Variants in KLK12 observed in about 807,000 individuals in gnomAD.
KLK12 encodes the protein kallikrein related peptidase 12.
A neutral mutation model predicts 20.0 loss-of-function variants in KLK12; 23 were observed. The ratio of observed to expected loss-of-function variants is 1.15; its 90% CI spans 0.83 to 1.63. The LOEUF is 1.63. KLK12 is among the 40% of genes most tolerant of loss of function. The probability of loss-of-function intolerance (pLI) is 0.00; values close to 1 mark genes in which losing one functional copy is unlikely to be tolerated. For missense variants in KLK12, 351 were observed against 338.6 expected (o/e 1.04, Z -0.29); for synonymous variants, 147 against 141.9 (o/e 1.04, Z -0.25).
chr19:51,032,132 C>T lies in KLK12; in HGVS notation c.201G>A (p.Arg67=), dbSNP rs145698733. 452 of 1,599,686 alleles carry T rather than the reference C, an allele frequency of 2.8e-4. 1 individual carries two copies. Among genetic ancestry groups the T allele is most frequent in the Non-Finnish European group, 3.7e-4 (440 of 1,177,182 alleles). ...TGTGTTCCCCCAGGCGCACCCAGTA[C>T]CTGCTGCCGGTGGCGACGGCTGAGC... is the stretch of plus-strand genomic sequence containing the variant. ...VLTAAHCSGS[R]YWVRLGEHSL... Residue 67 remains arginine, a synonymous_variant, in exon 4 of 6, where the codon AGG becomes AGA. Transcript: ENST00000684732.
At position 51,029,363 on chromosome 19, in the gene KLK12, CCAGGGATGCCATCTTGTCCA is replaced by C. The variant is rs2091526639; in HGVS notation, c.666_685del (p.Cys222TrpfsTer51). 1 of 1,613,258 alleles carries C rather than the reference CCAGGGATGCCATCTTGTCCA, an allele frequency of 6.2e-7. No individual in the cohort carries two copies. Among genetic ancestry groups the C allele is most frequent in the South Asian group, 1.1e-5 (1 of 91,030 alleles). On this transcript the variant is annotated frameshift_variant, in exon 6 of 6. Coordinates refer to ENST00000684732, the MANE Select transcript of KLK12 (RefSeq NM_001370125.1). LOFTEE classifies it high-confidence loss of function. ...ATACTTGCAAATATAGGTGTAGACT[CCAGGGATGCCATCTTGTCCA>C]CAGGGCCCCACAGACCCCCAGGACA...
At position 51,031,886 on chromosome 19, in the gene KLK12, G is replaced by A; in HGVS notation, c.447C>T (p.Asn149=). The A allele has an allele frequency of 3.7e-6, 6 of 1,613,666 alleles. No individual in the cohort carries two copies. Among genetic ancestry groups the A allele is most frequent in the Non-Finnish European group, 5.1e-6 (6 of 1,179,914 alleles). The change falls in exon 4 of 6, where the codon AAC becomes AAT. Residue 149 remains asparagine (N), a synonymous_variant. Transcript: ENST00000684732. ...ECHVSGWGIT[N]HPRNPFPDLL... Reference sequence around the variant, plus strand: ...CCCTGGGCCCCTTACTCCGTGGGTGGTTGGTGATGCCCCAGCCTGAGACGT... The same window carrying A: ...CCCTGGGCCCCTTACTCCGTGGGTGATTGGTGATGCCCCAGCCTGAGACGT...
chr19:51,034,157 C>T lies in KLK12; in HGVS notation c.38-18G>A. 6.4e-7 allele frequency: 1 copy of T among 1,551,224 alleles called. No individual in the cohort carries two copies. The highest frequency in any genetic ancestry group is 8.7e-7 in the Non-Finnish European group (1 of 1,146,844). On this transcript the variant is annotated intron_variant, in intron 2 of 5. Transcript: ENST00000684732. ...GCTGAGCCCTGGAGACAGACAGGGG[C>T]ATGGGTCAGAGAGAGGAAGAAAAGA... is the stretch of plus-strand genomic sequence containing the variant.
chr19:51,033,768 A>G (rs1386129894), intron 3 of KLK12: 3 of 617,814 alleles, frequency 4.9e-6, no homozygotes, highest in Non-Finnish European at 8.8e-6. Flanking sequence ...GGCAGGTTCC[A>G]GGACCCTCCC....
Position 51,030,985 on chromosome 19 carries a change from C to T in KLK12, c.458-64G>A, listed in dbSNP as rs2091552375. 5.0e-6 allele frequency: 8 copies of T among 1,600,556 alleles called. No homozygotes were observed. The East Asian group carries it at 1.6e-4, about 31-fold the overall frequency. Reference sequence around the variant, plus strand: ...CTCCCCACTTTGAGGCCACGTCCCTCTTCCCTGGATGTGGCCCATCCATGT... The same window carrying T: ...CTCCCCACTTTGAGGCCACGTCCCTTTTCCCTGGATGTGGCCCATCCATGT... On this transcript the variant is annotated intron_variant, in intron 4 of 5. Coordinates refer to ENST00000684732, the MANE Select transcript of KLK12 (RefSeq NM_001370125.1).
At position 51,032,147 on chromosome 19, in the gene KLK12, G is replaced by C. The variant is rs770097930; in HGVS notation, c.198-12C>G. On this transcript the variant is annotated splice_polypyrimidine_tract_variant and intron_variant, in intron 3 of 5. Transcript: ENST00000684732. ...GCACCCAGTACCTGCTGCCGGTGGC[G>C]ACGGCTGAGCGGGTGGCAGGCACGC... is the stretch of plus-strand genomic sequence containing the variant. The C allele has an allele frequency of 6.3e-7, 1 of 1,591,730 alleles. No homozygotes were observed. The highest frequency in any genetic ancestry group is 8.5e-7 in the Non-Finnish European group (1 of 1,174,642).
intron 3 of KLK12, among the ~76,000 whole-genome samples, chr19:51,032,923 A>C (rs1050009699): frequency 6.6e-6 from 1 of 152,068 alleles, no homozygotes; most frequent in African/African-American, 2.4e-5. Flanking sequence ...TTTCACAAAA[A>C]AAGTTCCAGG....
At chr19:51,031,169 C>T (rs190732475) in intron 4 of KLK12, among the ~76,000 whole-genome samples, 32 of 152,322 alleles carry the variant, frequency 2.1e-4, no homozygotes, top group Non-Finnish European at 3.7e-4. Flanking sequence ...ACTTTCTTGT[C>T]TCTCCAGCGT....
In KLK12 at chr19:51,029,425, T is replaced by C; in HGVS notation, c.624A>G (p.Gly208=). The C allele has an allele frequency of 6.2e-7, 1 of 1,613,340 alleles. No homozygotes were observed. ...CCCAGGACACCAGACCTTGAAGGAC[T>C]CCCCCACACACCAGGGGGCCCCCAG... ...GDSGGPLVCG[G]VLQGLVSWGS... is the part of the protein sequence containing the mutation. The change falls in exon 6 of 6, where the codon GGA becomes GGG. Residue 208 remains glycine, a synonymous_variant. Transcript: ENST00000684732.
In KLK12 at chr19:51,030,888, A is replaced by T; in HGVS notation, c.491T>A (p.Leu164His). The change falls in exon 5 of 6, where the codon CTC becomes CAC. Residue 164 changes from leucine to histidine, a missense_variant. Leu to His is a moderately conservative substitution (Grantham distance 99). Coordinates refer to ENST00000684732, the MANE Select transcript of KLK12 (RefSeq NM_001370125.1). ...PFPDLLQCLN[L>H]SIVSHATCHG... ...GCAGGTGGCATGGGAGACGATGGAG[A>T]GGTTGAGGCACTGGAGCAGATCCGG... 6.2e-7 allele frequency: 1 copy of T among 1,613,854 alleles called. No individual in the cohort carries two copies. Among genetic ancestry groups the T allele is most frequent in the Non-Finnish European group, 8.5e-7 (1 of 1,180,000 alleles).
intron 3 of KLK12, among the ~76,000 whole-genome samples, chr19:51,032,613 C>T (rs2122615405): frequency 6.6e-6 from 1 of 152,042 alleles, no homozygotes; most frequent in African/African-American, 2.4e-5. Flanking sequence ...TCTCAAACTC[C>T]TGACCTCAAG....
rs1187655140 is a variant in KLK12, at chr19:51,034,111, A to T, written c.66T>A (p.Ile22=). Residue 22 remains isoleucine, a synonymous_variant, in exon 3 of 6, where the codon ATT becomes ATA. Transcript: ENST00000684732. Reference sequence around the variant, plus strand: ...TACGCCCACACTCAGTGCCATTGAAAATCTTCGGTGTGGCTGCCTGGCTGA... The same window carrying T: ...TACGCCCACACTCAGTGCCATTGAATATCTTCGGTGTGGCTGCCTGGCTGA... ...LGLSQAATPK[I]FNGTECGRNS... 1.9e-6 allele frequency: 3 copies of T among 1,556,604 alleles called. No homozygotes were observed. Among genetic ancestry groups the T allele is most frequent in the Non-Finnish European group, 2.6e-6 (3 of 1,149,578 alleles).
chr19:51,034,208 TGAGA>T (rs1166903425), intron 2 of KLK12, 69 bp from the exon 3 acceptor site: 4 of 1,482,262 alleles, frequency 2.7e-6, no homozygotes, highest in Admixed American at 4.0e-5. Flanking sequence ...ACACACAGAG[TGAGA>T]GAGAGAAACA....
At chr19:51,031,031 G>A (rs1162815569) in intron 4 of KLK12, 110 bp from the exon 5 acceptor site, 7 of 1,257,856 alleles carry the variant, frequency 5.6e-6, no homozygotes, top group African/African-American at 2.9e-5. Context: ...GCCCCTCACC[G>A]ACCTGTACTA....
At position 51,032,140 on chromosome 19, in the gene KLK12, C is replaced by T. The variant is rs745374417; in HGVS notation, c.198-5G>A. 20 of 1,594,700 alleles carry T rather than the reference C, an allele frequency of 1.3e-5. No homozygotes were observed. The highest frequency in any genetic ancestry group is 6.8e-5 in the East Asian group (3 of 44,144). ...CCCAGGCGCACCCAGTACCTGCTGC[C>T]GGTGGCGACGGCTGAGCGGGTGGCA... On this transcript the variant is annotated splice_polypyrimidine_tract_variant and splice_region_variant and intron_variant, in intron 3 of 5. Coordinates refer to ENST00000684732, the MANE Select transcript of KLK12 (RefSeq NM_001370125.1).
rs143108777 is a variant in KLK12, at chr19:51,034,617, C to A, written c.5G>T (p.Gly2Val). 4 of 1,609,788 alleles carry A rather than the reference C, an allele frequency of 2.5e-6. 1 individual carries two copies. In the South Asian group the frequency reaches 4.4e-5, roughly 18 times the overall value. ...ACACAGGAGCAAAAAGATGCTGAGCCCCATGGTGGGTCACTTCCAAAGTCT... is the reference window on the plus strand; with the variant it reads ...ACACAGGAGCAAAAAGATGCTGAGCACCATGGTGGGTCACTTCCAAAGTCT... M[G>V]LSIFLLLCVL... The change falls in exon 2 of 6, where the codon GGG becomes GTG. Residue 2 changes from glycine to valine, a missense_variant. Gly to Val is a moderately radical substitution (Grantham distance 109, BLOSUM62 -3). Coordinates refer to ENST00000684732, the MANE Select transcript of KLK12 (RefSeq NM_001370125.1).
intron 3 of KLK12, 56 bp downstream of exon 3, chr19:51,033,924 C>T (rs2091584949): frequency 2.0e-6 from 3 of 1,536,830 alleles, no homozygotes; most frequent in Non-Finnish European, 2.7e-6. Context: ...GTGATCCTAC[C>T]CCCAGCGCTT....
At chr19:51,030,991 T>C (rs2122605627) in intron 4 of KLK12, 70 bp from the exon 5 acceptor site, 1 of 1,586,874 alleles carries the variant, frequency 6.3e-7, no homozygotes, top group East Asian at 2.2e-5. Flanking sequence ...CCCTCTTCCC[T>C]GGATGTGGCC....
In KLK12 at chr19:51,034,046, C is replaced by G; in HGVS notation, c.131G>C (p.Ser44Thr). Residue 44 changes from serine (S) to threonine (T), a missense_variant, in exon 3 of 6, where the codon AGC (serine) becomes ACC (threonine). Physicochemically the swap from Ser to Thr is moderately conservative, Grantham distance 58 (BLOSUM62 1). Coordinates refer to ENST00000684732, the MANE Select transcript of KLK12 (RefSeq NM_001370125.1). Reference protein sequence around the residue: ...PWQVGLFEGTSLRCGGVLIDH... With the variant: ...PWQVGLFEGTTLRCGGVLIDH... ...AATAAGGACACCCCCGCAGCGCAGGCTGGTGCCCTCAAACAGCCCCACCTG... is the reference window on the plus strand; with the variant it reads ...AATAAGGACACCCCCGCAGCGCAGGGTGGTGCCCTCAAACAGCCCCACCTG... The G allele has an allele frequency of 6.3e-7, 1 of 1,596,488 alleles. No individual in the cohort carries two copies. The highest frequency in any genetic ancestry group is 2.3e-5 in the East Asian group (1 of 44,166).
Sources: gnomAD v4.1 joint callset for allele counts (sites outside exome capture counted in the v4.1 genomes callset) on GRCh38, gnomAD v4.1.1 for gene constraint, MANE v1.5 for transcripts, NCBI Gene and HGNC (gene_info 2026-07-23, HGNC 2026-07-21) for gene names.